Variants in SUMF1 observed in about 807,000 individuals in gnomAD.
SUMF1 encodes the protein sulfatase modifying factor 1.
Under a neutral mutation model 47.6 loss-of-function variants are expected in SUMF1, and 48 were observed. The ratio of observed to expected loss-of-function variants is 1.01; its 90% CI spans 0.80 to 1.28. SUMF1 has a LOEUF of 1.28. Among genes scored for constraint, SUMF1 ranks in the 50% most tolerant of loss-of-function variants. The pLI, the probability that SUMF1 is intolerant of heterozygous loss-of-function variation, is 0.00. For synonymous variants in SUMF1, 230 were observed against 192.1 expected (o/e 1.20, Z -1.63); for missense variants, 571 against 485.4 (o/e 1.18, Z -1.66).
At chr3:4,375,125 AC>A (rs1484405177) in intron 8 of SUMF1, among the ~76,000 whole-genome samples, 1 of 124,372 alleles carries the variant, frequency 8.0e-6, no homozygotes, top group Non-Finnish European at 1.6e-5. Flanking sequence ...GAAGAGTGAG[AC>A]TCTGTCTCAA....
At chr3:4,362,457 A>C (rs182695354) in intron 8 of SUMF1, among the ~76,000 whole-genome samples, 1 of 152,356 alleles carries the variant, frequency 6.6e-6, no homozygotes, top group East Asian at 1.9e-4. Flanking sequence ...TTATAAATGT[A>C]ACACGGATAT....
At chr3:4,376,052 T>C (rs576624920) in intron 8 of SUMF1, among the ~76,000 whole-genome samples, 1 of 152,340 alleles carries the variant, frequency 6.6e-6, no homozygotes, top group Admixed American at 6.5e-5. Context: ...CACCCACCCC[T>C]GTGCAGTTCG....
chr3:4,217,516 A>T (rs1399526984), intron 8 of SUMF1, among the ~76,000 whole-genome samples: 9 of 73,102 alleles, frequency 1.2e-4, no homozygotes, highest in East Asian at 3.6e-4. Context: ...AGTATTTTTT[A>T]TATATATATA....
chr3:4,063,592 C>T (rs1695315722), intron 9 of SUMF1, among the ~76,000 whole-genome samples: 1 of 151,078 alleles, frequency 6.6e-6, no homozygotes, highest in South Asian at 2.1e-4. Context: ...CCCAACCTGT[C>T]CTTTCCCTCT....
At chr3:4,155,433 G>A (rs79262731) in intron 8 of SUMF1, among the ~76,000 whole-genome samples, 2,962 of 151,618 alleles carry the variant, frequency 0.02, 209 homozygotes, top group African/African-American at 0.069. Flanking sequence ...GGCATGCGAT[G>A]TTCTCATGTC....
At chr3:4,171,715 A>G (rs1219004053) in intron 8 of SUMF1, among the ~76,000 whole-genome samples, 1 of 152,152 alleles carries the variant, frequency 6.6e-6, no homozygotes, top group East Asian at 1.9e-4. Flanking sequence ...TGTTCCAGAT[A>G]AATGGGCTTG....
intron 7 of SUMF1, among the ~76,000 whole-genome samples, chr3:4,389,181 A>G (rs1700770263): frequency 6.6e-6 from 1 of 152,122 alleles, no homozygotes; most frequent in Non-Finnish European, 1.5e-5. Context: ...CCTTTATCTG[A>G]GAATATCTTG....
rs190910079 is a variant in SUMF1, at chr3:4,295,183, G to A, written c.1014+81147C>T. Among the ~76,000 whole-genome samples the A allele has an allele frequency of 7.0e-4, 106 of 152,158 alleles. 1 individual carries two copies. In the East Asian group the frequency reaches 0.017, roughly 25 times the overall value. ...GTTTCCTTTCTCCACTCAAATGCTA[G>A]AACTGGGGCTGGGAAGCTACCAGAG... On this transcript the variant is annotated intron_variant and NMD_transcript_variant, in intron 8 of 12. Coordinates refer to the SUMF1 transcript ENST00000448413.
chr3:4,149,325 G>C (rs1266703295), intron 8 of SUMF1, among the ~76,000 whole-genome samples: 1 of 152,106 alleles, frequency 6.6e-6, no homozygotes, highest in Non-Finnish European at 1.5e-5. Context: ...GAGTCTTCTT[G>C]AGGGATTTTT....
chr3:4,320,394 T>A (rs1378232154), intron 8 of SUMF1, among the ~76,000 whole-genome samples: 1 of 152,144 alleles, frequency 6.6e-6, no homozygotes. Flanking sequence ...CTCTGGAGGT[T>A]TGATAATTAA....
chr3:4,081,760 T>C (rs1321726372), intron 8 of SUMF1, among the ~76,000 whole-genome samples: 2 of 152,160 alleles, frequency 1.3e-5, no homozygotes, highest in East Asian at 3.8e-4. Flanking sequence ...TAGCCTATAA[T>C]CTCGGTTACT....
At position 4,039,045 on chromosome 3, in the gene SUMF1, G is replaced by C. The variant is rs370669952; in HGVS notation, c.1191+29524C>G. On this transcript the variant is annotated intron_variant and NMD_transcript_variant, in intron 9 of 12. Transcript: ENST00000448413. ...AAAAGAGAACTACCTAAATGCAACA[G>C]CAATGGCAAACATTAAAGCACTCCC... is the stretch of plus-strand genomic sequence containing the variant. Among the ~76,000 whole-genome samples the C allele has an allele frequency of 4.4e-4, 67 of 151,844 alleles. 1 individual carries two copies. The South Asian group carries it at 0.014, about 32-fold the overall frequency.
At chr3:4,253,349 A>C (rs1359955785) in intron 8 of SUMF1, among the ~76,000 whole-genome samples, 1 of 152,154 alleles carries the variant, frequency 6.6e-6, no homozygotes. Flanking sequence ...CATCTGAGGT[A>C]CCGGGTTCAT....
chr3:4,184,982 T>C (rs1559546938), intron 8 of SUMF1, among the ~76,000 whole-genome samples: 1 of 152,084 alleles, frequency 6.6e-6, no homozygotes, highest in Admixed American at 6.6e-5. Context: ...TCCAAAATGC[T>C]CTGTGTACTC....
At chr3:4,396,075 A>C (rs1026103848) in intron 7 of SUMF1, among the ~76,000 whole-genome samples, 11 of 152,164 alleles carry the variant, frequency 7.2e-5, no homozygotes, top group Admixed American at 1.3e-4. Context: ...CACAGATATA[A>C]ACCAGGAATG....
intron 8 of SUMF1, among the ~76,000 whole-genome samples, chr3:4,117,512 G>A (rs572255085): frequency 1.8e-4 from 28 of 151,828 alleles, no homozygotes; most frequent in Non-Finnish European, 3.5e-4. Context: ...TTCCTTTTTC[G>A]GAGGGGAAGA....
At chr3:4,311,353 A>C (rs1308833578) in intron 8 of SUMF1, among the ~76,000 whole-genome samples, 2 of 152,220 alleles carry the variant, frequency 1.3e-5, no homozygotes, top group South Asian at 4.1e-4. Flanking sequence ...GACGTGGTGC[A>C]AACATTCCTT....
At chr3:4,255,623 G>C (rs1483055604) in intron 8 of SUMF1, among the ~76,000 whole-genome samples, 3 of 124,258 alleles carry the variant, frequency 2.4e-5, no homozygotes, top group African/African-American at 6.5e-5. Context: ...AGCAAGTCCT[G>C]AGTGACCTAC....
intron 7 of SUMF1, among the ~76,000 whole-genome samples, chr3:4,395,370 G>A (rs1282274104): frequency 6.6e-6 from 1 of 152,026 alleles, no homozygotes; most frequent in Non-Finnish European, 1.5e-5. Context: ...TATTTTAAGA[G>A]TGAGCAGATG....
Sources: allele counts gnomAD v4.1 joint callset (sites outside exome capture counted in the v4.1 genomes callset), GRCh38; gene constraint gnomAD v4.1.1; transcripts MANE v1.5; gene names NCBI Gene and HGNC (gene_info 2026-07-23, HGNC 2026-07-21).